The following NDFIP1 variants were observed in gnomAD, a reference collection of about 807,000 sequenced individuals.
NDFIP1 encodes the protein NEDD4 family-interacting protein 1.
In NDFIP1, 7 loss-of-function variants were observed where a neutral mutation model predicts 28.8. The ratio of observed to expected loss-of-function variants is 0.24; its 90% confidence interval spans 0.14 to 0.46. The LOEUF (loss-of-function observed/expected upper bound fraction) is 0.46, where lower values mean the gene tolerates loss of function less well. Among genes scored for constraint, NDFIP1 ranks in the 20% least tolerant of loss-of-function variants. The probability of loss-of-function intolerance (pLI) is 0.99; values close to 1 mark genes in which losing one functional copy is unlikely to be tolerated. For missense variants in NDFIP1, 194 were observed against 269.1 expected (o/e 0.72, Z 1.95); for synonymous variants, 92 against 101.0 (o/e 0.91, Z 0.53).
rs1757453119 is a variant in NDFIP1 at position 142,152,125 on chromosome 5, A to G, written c.*397A>G. 1 of 152,780 alleles carries G rather than the reference A, an allele frequency of 6.5e-6. No individual in the cohort carries two copies. Among genetic ancestry groups the G allele is most frequent in the Non-Finnish European group, 1.5e-5 (1 of 68,050 alleles). The allele number at this position is 152,780 out of a possible 1,614,324, so 9.5% of individuals were successfully genotyped here. On this transcript the variant is annotated 3_prime_UTR_variant, in exon 8 of 8. Coordinates refer to ENST00000253814, the MANE Select transcript of NDFIP1 (RefSeq NM_030571.4). The stretch of plus-strand genomic sequence containing the variant: ...GAATTAAATATTGTAAGATATGTAT[A>G]ATGCTGGCCATTTTAAAGGGGTTTT...
chr5:142,147,577 C>T (rs1424260444), intron 7 of NDFIP1, among the ~76,000 whole-genome samples: 1 of 152,086 alleles, frequency 6.6e-6, no homozygotes, highest in Non-Finnish European at 1.5e-5. Context: ...CACACCTGGC[C>T]AGTTATTTCT....
chr5:142,147,461 C>T (rs1757401058), intron 7 of NDFIP1, among the ~76,000 whole-genome samples: 1 of 152,146 alleles, frequency 6.6e-6, no homozygotes, highest in Non-Finnish European at 1.5e-5. Context: ...ATGCTTATCA[C>T]AGTTTTTAAA....
intron 1 of NDFIP1, among the ~76,000 whole-genome samples, chr5:142,119,356 A>G (rs1025804996): frequency 6.6e-6 from 1 of 152,264 alleles, no homozygotes; most frequent in East Asian, 1.9e-4. Flanking sequence ...CCACTACAGG[A>G]CAAAGCATAT....
chr5:142,113,792 G>A lies in NDFIP1; in HGVS notation c.63+4755G>A, dbSNP rs114173481. Among the ~76,000 whole-genome samples the A allele has an allele frequency of 4.4e-3, 672 of 152,268 alleles. 3 individuals carry two copies. The highest frequency in any genetic ancestry group is 0.016 in the African/African-American group (654 of 41,544). On this transcript the variant is annotated intron_variant, in intron 1 of 7. Coordinates refer to ENST00000253814, the MANE Select transcript of NDFIP1 (RefSeq NM_030571.4). ...CTACCGTAGGTACCTCTCATAAGTG[G>A]AATTAGACAGGATTTGTCCTTTTGT...
Position 142,116,349 on chromosome 5 carries a change from TCTTTC to T in NDFIP1, c.63+7313_63+7317del, listed in dbSNP as rs757209118. ...TTCCTTCCTTCCTTCCTTCCTTCCT[TCTTTC>T]TCTCTCTCTCTCTCTCTCTTTCTTT... On this transcript the variant is annotated intron_variant, in intron 1 of 7. Transcript: ENST00000253814. Among the ~76,000 whole-genome samples, 28 of 118,890 alleles carry T rather than the reference TCTTTC, an allele frequency of 2.4e-4. 1 individual carries two copies. Among genetic ancestry groups the T allele is most frequent in the South Asian group, 7.7e-4 (3 of 3,872 alleles). The allele number at this position is 118,890 out of a possible 152,430, so 78.0% of individuals were successfully genotyped here.
At chr5:142,119,486 CT>C (rs1757101754) in intron 1 of NDFIP1, among the ~76,000 whole-genome samples, 2 of 152,214 alleles carry the variant, frequency 1.3e-5, no homozygotes, top group African/African-American at 4.8e-5. Context: ...ATACAGTTAT[CT>C]TGTTTTGTCA....
chr5:142,146,563 C>T (rs540235003), intron 7 of NDFIP1, among the ~76,000 whole-genome samples: 1 of 152,172 alleles, frequency 6.6e-6, no homozygotes, highest in Non-Finnish European at 1.5e-5. Flanking sequence ...TATTTTCCCT[C>T]TAATACATTG....
rs191067076 is a variant in NDFIP1 at position 142,144,893 on chromosome 5, T to C, written c.*2+217T>C. Among the ~76,000 whole-genome samples, 408 of 152,334 alleles carry C rather than the reference T, an allele frequency of 2.7e-3. 2 individuals are homozygous for C. The highest frequency in any genetic ancestry group is 9.4e-3 in the African/African-American group (390 of 41,576). ...GAAAAACTGCCATAGGAGAAATCAT[T>C]ACTTCATGCTTTGACAGTGTGAAAG... On this transcript the variant is annotated intron_variant, in intron 7 of 7. Coordinates refer to ENST00000253814, the MANE Select transcript of NDFIP1 (RefSeq NM_030571.4).
intron 3 of NDFIP1, among the ~76,000 whole-genome samples, 173 bp from the exon 4 acceptor site, chr5:142,135,557 A>G (rs993998180): frequency 4.6e-5 from 7 of 152,222 alleles, no homozygotes; most frequent in Non-Finnish European, 1.0e-4. Flanking sequence ...CTTCTTTTCT[A>G]ATTATATATT....
At chr5:142,117,394 C>T (rs1343677885) in intron 1 of NDFIP1, among the ~76,000 whole-genome samples, 1 of 151,910 alleles carries the variant, frequency 6.6e-6, no homozygotes, top group Non-Finnish European at 1.5e-5. Flanking sequence ...CAGGCGCCCG[C>T]TATCACGCCC....
At chr5:142,130,448 G>A (rs116344418) in intron 1 of NDFIP1, among the ~76,000 whole-genome samples, 11 of 152,214 alleles carry the variant, frequency 7.2e-5, no homozygotes, top group Non-Finnish European at 1.5e-4. Flanking sequence ...ATTTAATTTG[G>A]TGTGCATGTG....
intron 7 of NDFIP1, 28 bp from the exon 8 acceptor site, chr5:142,151,703 T>G (rs1757448414): frequency 3.3e-5 from 5 of 152,610 alleles, no homozygotes; most frequent in Admixed American, 1.3e-4. Context: ...TAACTAGAGT[T>G]TCAATATTCA....
chr5:142,117,649 G>T (rs1255693323), intron 1 of NDFIP1, among the ~76,000 whole-genome samples: 2 of 150,170 alleles, frequency 1.3e-5, no homozygotes, highest in African/African-American at 4.9e-5. Context: ...ACTTTCTAAA[G>T]AAAAACTTGA....
intron 1 of NDFIP1, among the ~76,000 whole-genome samples, chr5:142,121,464 T>C (rs1757121598): frequency 6.6e-6 from 1 of 152,210 alleles, no homozygotes; most frequent in Non-Finnish European, 1.5e-5. Flanking sequence ...AAAATAACAA[T>C]AATAAATCAG....
intron 1 of NDFIP1, among the ~76,000 whole-genome samples, chr5:142,111,501 T>C (rs1757013885): frequency 6.6e-6 from 1 of 152,172 alleles, no homozygotes; most frequent in Non-Finnish European, 1.5e-5. Context: ...TCAGCGAATA[T>C]GCATTTTTAA....
At chr5:142,139,668 G>A (rs1478911891) in intron 5 of NDFIP1, among the ~76,000 whole-genome samples, 1 of 152,174 alleles carries the variant, frequency 6.6e-6, no homozygotes, top group Non-Finnish European at 1.5e-5. Flanking sequence ...AGCAAGGGAA[G>A]GGGATTACCC....
chr5:142,121,662 T>C (rs905788065), intron 1 of NDFIP1, among the ~76,000 whole-genome samples: 1 of 152,242 alleles, frequency 6.6e-6, no homozygotes, highest in Non-Finnish European at 1.5e-5. Flanking sequence ...GGGGATACCA[T>C]ACCTGCTGTT....
intron 7 of NDFIP1, among the ~76,000 whole-genome samples, chr5:142,145,278 A>G (rs746795810): frequency 1.2e-4 from 18 of 152,344 alleles, no homozygotes; most frequent in Middle Eastern, 3.4e-3. Flanking sequence ...TGCCTAGAAC[A>G]GGAGGACTAA....
intron 1 of NDFIP1, among the ~76,000 whole-genome samples, chr5:142,111,741 C>T (rs994375198): frequency 6.6e-6 from 1 of 152,204 alleles, no homozygotes; most frequent in African/African-American, 2.4e-5. Flanking sequence ...ATGTGGACAA[C>T]TTGAATTTAG....
Sources: allele counts gnomAD v4.1 joint callset (sites outside exome capture counted in the v4.1 genomes callset), GRCh38; gene constraint gnomAD v4.1.1; transcripts MANE v1.5; gene names NCBI Gene and HGNC (gene_info 2026-07-23, HGNC 2026-07-21).